Variants in SLC25A21 observed in about 807,000 individuals in gnomAD.
SLC25A21 encodes the protein solute carrier family 25 member 21.
In SLC25A21, 47 loss-of-function variants were observed where a neutral mutation model predicts 43.8. The ratio of observed to expected loss-of-function variants is 1.07; its 90% confidence interval spans 0.85 to 1.37. SLC25A21 has a LOEUF of 1.37. Ranked by LOEUF, SLC25A21 falls within the 40% of genes most tolerant of loss-of-function variation. The pLI, the probability that SLC25A21 is intolerant of heterozygous loss-of-function variation, is 0.00. For synonymous variants in SLC25A21, 131 were observed against 121.3 expected (o/e 1.08, Z -0.52); for missense variants, 352 against 350.2 (o/e 1.00, Z -0.04).
At chr14:36,801,658 G>GCTTGCATCTACT (rs1295090088) in intron 3 of SLC25A21, among the ~76,000 whole-genome samples, 1 of 152,176 alleles carries the variant, frequency 6.6e-6, no homozygotes, top group African/African-American at 2.4e-5. Context: ...AAGCTACTCT[G>GCTTGCATCTACT]TGGTGTCTGA....
intron 3 of SLC25A21, among the ~76,000 whole-genome samples, chr14:36,787,970 G>A (rs924608823): frequency 6.6e-6 from 1 of 152,140 alleles, no homozygotes; most frequent in Non-Finnish European, 1.5e-5. Context: ...GACACTCAGA[G>A]TAATTTGTTT....
chr14:36,767,360 AT>A (rs1255432610), intron 3 of SLC25A21, among the ~76,000 whole-genome samples: 3 of 152,238 alleles, frequency 2.0e-5, no homozygotes, highest in African/African-American at 7.2e-5. Flanking sequence ...CCGACTCTTT[AT>A]TCAGATTTTG....
chr14:37,094,465 G>A (rs1428830279), intron 1 of SLC25A21, among the ~76,000 whole-genome samples: 2 of 152,144 alleles, frequency 1.3e-5, no homozygotes, highest in African/African-American at 2.4e-5. Context: ...CACATACTCT[G>A]TACTGAGAAC....
intron 1 of SLC25A21, among the ~76,000 whole-genome samples, chr14:36,911,019 C>T (rs1231437792): frequency 6.6e-6 from 1 of 152,266 alleles, no homozygotes; most frequent in Middle Eastern, 3.4e-3. Flanking sequence ...TGTTAGTTTT[C>T]TCACAAGCAT....
At chr14:36,747,562 CTAAG>C (rs1298982066) in intron 3 of SLC25A21, among the ~76,000 whole-genome samples, 1 of 152,144 alleles carries the variant, frequency 6.6e-6, no homozygotes, top group African/African-American at 2.4e-5. Flanking sequence ...GGAACCTTAA[CTAAG>C]TGTGTGACCC....
chr14:36,820,139 G>C (rs1258366762), intron 2 of SLC25A21, among the ~76,000 whole-genome samples: 3 of 152,162 alleles, frequency 2.0e-5, no homozygotes, highest in Non-Finnish European at 4.4e-5. Context: ...AAACCAGTGA[G>C]ATAGGTAAAG....
At chr14:37,008,756 T>C (rs1320767956) in intron 1 of SLC25A21, among the ~76,000 whole-genome samples, 1 of 150,962 alleles carries the variant, frequency 6.6e-6, no homozygotes, top group African/African-American at 2.4e-5. Flanking sequence ...TCCTTTTTAA[T>C]AGATTTTTTT....
chr14:37,124,874 A>G (rs1232099059), intron 1 of SLC25A21, among the ~76,000 whole-genome samples: 1 of 152,200 alleles, frequency 6.6e-6, no homozygotes, highest in Admixed American at 6.5e-5. Flanking sequence ...CAATGTGAAG[A>G]TGCCTGCTCC....
At chr14:36,832,873 G>A (rs1241489896) in intron 2 of SLC25A21, among the ~76,000 whole-genome samples, 1 of 151,828 alleles carries the variant, frequency 6.6e-6, no homozygotes, top group Admixed American at 6.6e-5. Context: ...ACCCTTTTTT[G>A]TGATTAAGCA....
chr14:36,919,963 T>A (rs1300460171), intron 1 of SLC25A21, among the ~76,000 whole-genome samples: 3 of 152,094 alleles, frequency 2.0e-5, no homozygotes, highest in African/African-American at 7.2e-5. Context: ...TATAGATGTG[T>A]CCTGAAGATA....
At chr14:36,886,018 T>C (rs886612587) in intron 1 of SLC25A21, among the ~76,000 whole-genome samples, 2 of 152,216 alleles carry the variant, frequency 1.3e-5, no homozygotes, top group African/African-American at 4.8e-5. Flanking sequence ...AAAATACTTT[T>C]ATATTTTAAA....
chr14:37,123,020 A>G (rs972884129), intron 1 of SLC25A21, among the ~76,000 whole-genome samples: 7 of 152,228 alleles, frequency 4.6e-5, no homozygotes, highest in Admixed American at 3.3e-4. Flanking sequence ...CGTACGCTCT[A>G]TGAATGCTTA....
chr14:37,139,285 C>A (rs1230545678), intron 1 of SLC25A21, among the ~76,000 whole-genome samples: 3 of 152,128 alleles, frequency 2.0e-5, no homozygotes, highest in East Asian at 1.9e-4. Context: ...AATAACAGGA[C>A]AAATTCTGTC....
At chr14:36,731,129 C>T (rs1210258766) in intron 4 of SLC25A21, among the ~76,000 whole-genome samples, 2 of 152,074 alleles carry the variant, frequency 1.3e-5, no homozygotes, top group Admixed American at 6.5e-5. Context: ...CCCGCTACCA[C>T]GCCCGGCTAA....
chr14:36,709,047 G>A (rs1192258092), intron 7 of SLC25A21, among the ~76,000 whole-genome samples: 3 of 149,752 alleles, frequency 2.0e-5, no homozygotes, highest in Non-Finnish European at 4.4e-5. Flanking sequence ...TCGCTCTGTT[G>A]CCCAGGCTGG....
At chr14:36,983,250 G>T (rs532856299) in intron 1 of SLC25A21, among the ~76,000 whole-genome samples, 1 of 152,272 alleles carries the variant, frequency 6.6e-6, no homozygotes, top group South Asian at 2.1e-4. Flanking sequence ...CACTCTCAGA[G>T]CACTGCTTCT....
chr14:36,728,899 A>G (rs1884704467), intron 5 of SLC25A21, among the ~76,000 whole-genome samples: 1 of 152,226 alleles, frequency 6.6e-6, no homozygotes, highest in African/African-American at 2.4e-5. Context: ...GGTCAATACA[A>G]TTAACTTCTG....
chr14:36,835,137 A>G (rs1391546450), intron 2 of SLC25A21, among the ~76,000 whole-genome samples: 2 of 152,228 alleles, frequency 1.3e-5, no homozygotes, highest in Admixed American at 6.5e-5. Context: ...GACTGAGCAG[A>G]CATAAGTCTT....
At chr14:36,887,562 CAAA>C (rs11425888) in intron 1 of SLC25A21, among the ~76,000 whole-genome samples, 1 of 141,920 alleles carries the variant, frequency 7.0e-6, no homozygotes, top group Non-Finnish European at 1.5e-5. Flanking sequence ...GACTCCATTG[CAAA>C]AAAAAAAAAA....
Sources: allele counts gnomAD v4.1 joint callset (sites outside exome capture counted in the v4.1 genomes callset), GRCh38; gene constraint gnomAD v4.1.1; transcripts MANE v1.5; gene names NCBI Gene and HGNC (gene_info 2026-07-23, HGNC 2026-07-21).